USP6NL: variants seen among roughly 807,000 people sequenced by gnomAD.
The protein encoded by USP6NL is USP6 N-terminal like.
In USP6NL, 26 loss-of-function variants were observed where a neutral mutation model predicts 61.9. The observed-to-expected ratio is 0.42, with a 90% CI of 0.31 to 0.58. USP6NL has a LOEUF of 0.58. USP6NL is among the 20% of genes least tolerant of loss of function. The pLI, the probability that USP6NL is intolerant of heterozygous loss-of-function variation, is 0.16. For synonymous variants in USP6NL, 432 were observed against 390.1 expected, an observed-to-expected ratio of 1.11 and a Z score of -1.27; for missense variants, 1,114 against 1,034.3, an observed-to-expected ratio of 1.08 and a Z score of -1.06.
intron 1 of USP6NL, among the ~76,000 whole-genome samples, chr10:11,606,111 A>C (rs1838699872): frequency 6.6e-6 from 1 of 152,230 alleles, no homozygotes; most frequent in Non-Finnish European, 1.5e-5. Context: ...GCCAAAGACA[A>C]AATGAAAACC....
In USP6NL at chr10:11,481,759, G is replaced by A; in HGVS notation, c.1078+11C>T. ...TATAACGTAGATATAAAGTATTGGG[G>A]TAATTCTTACCAGGTTCTGGAAGGT... On this transcript the variant is annotated intron_variant, in intron 14 of 14. Transcript: ENST00000609104. This position sits in a 1 kb window ranked among gnomAD's most constrained non-coding sequence, Gnocchi z 4.4. 2 of 1,599,816 alleles carry A rather than the reference G, an allele frequency of 1.3e-6. No homozygotes were observed. The highest frequency in any genetic ancestry group is 1.7e-6 in the Non-Finnish European group (2 of 1,175,544).
In USP6NL at chr10:11,520,364, GC is replaced by G. The variant is rs376146351; in HGVS notation, c.156-1791del. On this transcript the variant is annotated intron_variant, in intron 4 of 14. Coordinates refer to ENST00000609104, the MANE Select transcript of USP6NL (RefSeq NM_014688.5). The surrounding 1 kb of genome is among the most constrained non-coding windows in gnomAD (Gnocchi z 5.2). ...ATCTAAAACTTTTCATGGAGAATCT[GC>G]TGTGTGCATACCAATCTCCACAGAG... is the stretch of plus-strand genomic sequence containing the variant. Among the ~76,000 whole-genome samples, 231 of 152,320 alleles carry G rather than the reference GC, an allele frequency of 1.5e-3. 2 individuals carry two copies. The highest frequency in any genetic ancestry group is 5.4e-3 in the African/African-American group (224 of 41,560).
rs2440087 is a variant in USP6NL at position 11,489,580 on chromosome 10, C to T, written c.544-358G>A. Among the ~76,000 whole-genome samples the T allele has an allele frequency of 0.97, 148,250 of 152,324 alleles. 72,281 individuals carry two copies. The highest frequency in any genetic ancestry group is 1 in the East Asian group (5,182 of 5,182). ...GCTGGCAAAGTCTCCCCTTCTACAA[C>T]ACCCAGTATGCTGTCTTGTCTCCTC... On this transcript the variant is annotated intron_variant, in intron 9 of 14. Coordinates refer to ENST00000609104, the MANE Select transcript of USP6NL (RefSeq NM_014688.5). The surrounding 1 kb of genome is among the most constrained non-coding windows in gnomAD (Gnocchi z 5.7).
In USP6NL at chr10:11,461,318, G is replaced by C. The variant is rs2096213460; in HGVS notation, c.*1123C>G. On this transcript the variant is annotated 3_prime_UTR_variant, in exon 15 of 15. Coordinates refer to ENST00000609104, the MANE Select transcript of USP6NL (RefSeq NM_014688.5). Reference sequence around the variant, plus strand: ...TGAAATCACACTGTATTTTTTAAAAGATCAAAATCCTAGACTCCTATGAAA... The same window carrying C: ...TGAAATCACACTGTATTTTTTAAAACATCAAAATCCTAGACTCCTATGAAA... 6.6e-6 allele frequency: 1 copy of C among 151,850 alleles called. No homozygotes were observed. Among genetic ancestry groups the C allele is most frequent in the African/African-American group, 2.4e-5 (1 of 41,304 alleles). 9.4% of individuals were successfully genotyped at this position (151,850 alleles called of 1,614,324 possible).
At chr10:11,529,903 C>A (rs1835578370) in intron 2 of USP6NL, among the ~76,000 whole-genome samples, 1 of 152,010 alleles carries the variant, frequency 6.6e-6, no homozygotes, top group Non-Finnish European at 1.5e-5. Flanking sequence ...GAGTTTGAGA[C>A]CAGCCTGGCC....
chr10:11,555,451 T>TATATATATATATATATATAGAGAG (rs1427219382), intron 2 of USP6NL, among the ~76,000 whole-genome samples: 1 of 61,004 alleles, frequency 1.6e-5, no homozygotes, highest in African/African-American at 8.5e-5. Flanking sequence ...TATATATATA[T>TATATATATATATATATATAGAGAG]AGAGAGAGAG....
chr10:11,485,014 T>C lies in USP6NL; in HGVS notation c.882A>G (p.Arg294=). The change falls in exon 13 of 15, where the codon CGA becomes CGG. Residue 294 remains arginine, a synonymous_variant. Coordinates refer to ENST00000609104, the MANE Select transcript of USP6NL (RefSeq NM_014688.5). The surrounding 1 kb of genome is among the most constrained non-coding windows in gnomAD (Gnocchi z 4.8). The stretch of plus-strand genomic sequence containing the variant: ...TGGTGTAAGACATAGCAGTAAGAAC[T>C]CGTTCTCCTTCAAAGATGTAGATAT... ...IWDIYIFEGE[R]VLTAMSYTIL... 6.4e-7 allele frequency: 1 copy of C among 1,551,238 alleles called. No homozygotes were observed. Among genetic ancestry groups the C allele is most frequent in the East Asian group, 2.4e-5 (1 of 41,144 alleles).
At chr10:11,467,403 T>C (rs950558277) in intron 14 of USP6NL, among the ~76,000 whole-genome samples, 21 of 152,212 alleles carry the variant, frequency 1.4e-4, no homozygotes, top group Non-Finnish European at 4.4e-5. Context: ...ACAATGCATA[T>C]TGAAATGTTT....
In USP6NL at chr10:11,587,178, G is replaced by A. The variant is rs1056179816; in HGVS notation, c.4+10453C>T. ...CCACAGAAACAGTACATATGTAGGG[G>A]CTCATTAAGTATCTGTTTATACTAA... On this transcript the variant is annotated intron_variant, in intron 2 of 14. Transcript: ENST00000609104. This position sits in a 1 kb window ranked among gnomAD's most constrained non-coding sequence, Gnocchi z 4.5. 9.2e-5 allele frequency among the ~76,000 whole-genome samples: 14 copies of A among 151,994 alleles called. No homozygotes were observed. Among genetic ancestry groups the A allele is most frequent in the Non-Finnish European group, 1.5e-5 (1 of 68,010 alleles).
intron 2 of USP6NL, among the ~76,000 whole-genome samples, chr10:11,541,635 G>A (rs144399504): frequency 7.2e-4 from 110 of 152,240 alleles, no homozygotes; most frequent in African/African-American, 2.5e-3. Flanking sequence ...ATGCCTTCAA[G>A]TCAATAGAAA....
At chr10:11,566,399 ATT>A (rs1378131917) in intron 2 of USP6NL, among the ~76,000 whole-genome samples, 1 of 152,230 alleles carries the variant, frequency 6.6e-6, no homozygotes, top group East Asian at 1.9e-4. Flanking sequence ...AACGCCACAT[ATT>A]TACTGTGTGC....
intron 2 of USP6NL, among the ~76,000 whole-genome samples, chr10:11,538,613 A>C (rs993046890): frequency 1.3e-5 from 2 of 152,194 alleles, no homozygotes; most frequent in African/African-American, 2.4e-5. Flanking sequence ...TGAAAATCAG[A>C]CTCACAAGCT....
chr10:11,529,909 T>C (rs1490456364), intron 2 of USP6NL, among the ~76,000 whole-genome samples: 1 of 152,112 alleles, frequency 6.6e-6, no homozygotes, highest in African/African-American at 2.4e-5. Flanking sequence ...GAGACCAGCC[T>C]GGCCAACATG....
At position 11,562,759 on chromosome 10, in the gene USP6NL, C is replaced by T. The variant is rs1288608082; in HGVS notation, c.4+34872G>A. ...TAAAAACGTGGAATTCCACACAGTA[C>T]AATCATAAGTGAATTGCCTAATTTC... On this transcript the variant is annotated intron_variant, in intron 2 of 14. Coordinates refer to ENST00000609104, the MANE Select transcript of USP6NL (RefSeq NM_014688.5). This position sits in a 1 kb window ranked among gnomAD's most constrained non-coding sequence, Gnocchi z 4.8. The T allele has an allele frequency of 1.0e-6, 1 of 985,154 alleles. No individual in the cohort carries two copies. Among genetic ancestry groups the T allele is most frequent in the Non-Finnish European group, 1.2e-6 (1 of 829,828 alleles). 61.0% of individuals were successfully genotyped at this position (985,154 alleles called of 1,614,324 possible).
intron 1 of USP6NL, among the ~76,000 whole-genome samples, chr10:11,603,384 T>C (rs552031261): frequency 6.6e-6 from 1 of 152,344 alleles, no homozygotes; most frequent in African/African-American, 2.4e-5. Context: ...GTTTACATGG[T>C]ATATGTGCCT....
At chr10:11,555,003 A>C (rs1368760027) in intron 2 of USP6NL, among the ~76,000 whole-genome samples, 6 of 122,440 alleles carry the variant, frequency 4.9e-5, no homozygotes, top group Admixed American at 1.8e-4. Context: ...ATGGGGTTTC[A>C]CCATGTTAGC....
intron 6 of USP6NL, among the ~76,000 whole-genome samples, chr10:11,505,793 T>A (rs59499128): frequency 6.6e-6 from 1 of 152,066 alleles, no homozygotes; most frequent in Non-Finnish European, 1.5e-5. Context: ...GTGAGTAAAC[T>A]TTTCAGCCCA....
chr10:11,471,361 CTT>C (rs1425823866), intron 14 of USP6NL, among the ~76,000 whole-genome samples: 3 of 152,190 alleles, frequency 2.0e-5, no homozygotes, highest in African/African-American at 7.2e-5. Flanking sequence ...AATAGGAACA[CTT>C]TTACACTGTT....
chr10:11,569,849 T>C (rs1837296086), intron 2 of USP6NL, among the ~76,000 whole-genome samples: 1 of 152,196 alleles, frequency 6.6e-6, no homozygotes, highest in Non-Finnish European at 1.5e-5. Flanking sequence ...AGTTAAATGA[T>C]CATGCTTCTT....
Sources: gnomAD v4.1 joint callset for allele counts (sites outside exome capture counted in the v4.1 genomes callset) on GRCh38, gnomAD v4.1.1 for gene constraint, Gnocchi (gnomAD v3.1) non-coding constraint, MANE v1.5 for transcripts, NCBI Gene and HGNC (gene_info 2026-07-23, HGNC 2026-07-21) for gene names.